The following CCNYL1 variants were observed in gnomAD, a reference collection of about 807,000 sequenced individuals.
CCNYL1 encodes cyclin-Y-like protein 1.
In CCNYL1, 16 loss-of-function variants were observed where a neutral mutation model predicts 44.2. The observed-to-expected ratio is 0.36, with a 90% CI of 0.25 to 0.55. CCNYL1 has a LOEUF of 0.55. Among genes scored for constraint, CCNYL1 ranks in the 20% least tolerant of loss-of-function variants. CCNYL1 has a pLI of 0.85. For synonymous variants in CCNYL1, 159 were observed against 163.2 expected (o/e 0.97, Z 0.20); for missense variants, 348 against 451.8 (o/e 0.77, Z 2.08).
chr2:207,739,373 C>T (rs532901854), intron 5 of CCNYL1, among the ~76,000 whole-genome samples: 5 of 152,132 alleles, frequency 3.3e-5, no homozygotes, highest in African/African-American at 4.8e-5. Flanking sequence ...GCCGGGACTG[C>T]GGGCGCCTGT....
chr2:207,737,007 C>T (rs1019954978), intron 4 of CCNYL1, among the ~76,000 whole-genome samples: 2 of 151,956 alleles, frequency 1.3e-5, no homozygotes, highest in African/African-American at 4.8e-5. Context: ...GCTCTGCCTC[C>T]CGGGTTCACG....
chr2:207,755,262 C>T lies in CCNYL1; in HGVS notation c.*1564C>T, dbSNP rs1313872955. 1.3e-5 allele frequency: 2 copies of T among 152,084 alleles called. No individual in the cohort carries two copies. The highest frequency in any genetic ancestry group is 2.9e-5 in the Non-Finnish European group (2 of 68,068). The allele number at this position is 152,084 out of a possible 1,614,324, so 9.4% of individuals were successfully genotyped here. The stretch of plus-strand genomic sequence containing the variant: ...GGATATGGTGGCATGTGTCTGTAGT[C>T]CCAGCCACTCTGGAGGCTAAGGTGG... On this transcript the variant is annotated 3_prime_UTR_variant, in exon 10 of 10. Transcript: ENST00000295414.
intron 4 of CCNYL1, among the ~76,000 whole-genome samples, chr2:207,735,822 C>T (rs187689738): frequency 2.0e-3 from 310 of 152,124 alleles, no homozygotes; most frequent in African/African-American, 6.5e-3. Flanking sequence ...CGAGATTGTG[C>T]CATTTTACTC....
chr2:207,726,443 T>C (rs2091680512), intron 2 of CCNYL1, among the ~76,000 whole-genome samples: 1 of 152,216 alleles, frequency 6.6e-6, no homozygotes, highest in South Asian at 2.1e-4. Context: ...AACTGGTTCT[T>C]AGAGCTGTCA....
chr2:207,732,665 T>C (rs2091737133), intron 3 of CCNYL1, among the ~76,000 whole-genome samples: 2 of 152,158 alleles, frequency 1.3e-5, no homozygotes, highest in African/African-American at 4.8e-5. Flanking sequence ...TACTTTCAGC[T>C]ATTCAATGAC....
rs193284768 is a variant in CCNYL1, at chr2:207,715,617, C to T, written c.220+3501C>T. Among the ~76,000 whole-genome samples the T allele has an allele frequency of 1.9e-3, 284 of 149,484 alleles. 1 individual carries two copies. The highest frequency in any genetic ancestry group is 1.5e-3 in the Non-Finnish European group (104 of 67,446). On this transcript the variant is annotated intron_variant, in intron 1 of 9. Transcript: ENST00000295414. Reference sequence around the variant, plus strand: ...CTGGTCTCGAACTCCTGACCTCAAGCGATCCAGCTGCCTTGGCCTCCCAAA... The same window carrying T: ...CTGGTCTCGAACTCCTGACCTCAAGTGATCCAGCTGCCTTGGCCTCCCAAA...
In CCNYL1 at chr2:207,711,819, T is replaced by G; in HGVS notation, c.-78T>G. 10 of 993,102 alleles carry G rather than the reference T, an allele frequency of 1.0e-5. No individual in the cohort carries two copies. The highest frequency in any genetic ancestry group is 1.4e-5 in the Non-Finnish European group (10 of 740,376). 61.5% of individuals were successfully genotyped at this position (993,102 alleles called of 1,614,324 possible). On this transcript the variant is annotated 5_prime_UTR_variant, in exon 1 of 10. Coordinates refer to ENST00000295414, the MANE Select transcript of CCNYL1 (RefSeq NM_001330218.2). ...CTGCCGGTGCCGGCCGCGCCATTGT[T>G]GGGGGAGGGGGCGGCTGTTGAGGGC...
intron 8 of CCNYL1, among the ~76,000 whole-genome samples, chr2:207,748,030 C>T (rs2091866245): frequency 6.6e-6 from 1 of 152,084 alleles, no homozygotes; most frequent in Non-Finnish European, 1.5e-5. Context: ...GGTCTTAGGG[C>T]CTCTGGACTA....
At chr2:207,736,277 A>G (rs2091763991) in intron 4 of CCNYL1, among the ~76,000 whole-genome samples, 1 of 152,244 alleles carries the variant, frequency 6.6e-6, no homozygotes, top group Admixed American at 6.5e-5. Flanking sequence ...AAGTGCTAAC[A>G]TTGTATGGAC....
chr2:207,712,360 G>C (rs1025410193), intron 1 of CCNYL1, among the ~76,000 whole-genome samples: 3 of 152,218 alleles, frequency 2.0e-5, no homozygotes, highest in Non-Finnish European at 4.4e-5. Flanking sequence ...TCCCAAGCCG[G>C]CGTGGGACCC....
chr2:207,736,134 C>G (rs758848400), intron 4 of CCNYL1, among the ~76,000 whole-genome samples: 1 of 152,202 alleles, frequency 6.6e-6, no homozygotes, highest in Non-Finnish European at 1.5e-5. Flanking sequence ...GATTAAATGT[C>G]ATGTAAGGTT....
chr2:207,742,443 A>G, intron 7 of CCNYL1, 101 bp downstream of exon 7: 1 of 1,068,056 alleles, frequency 9.4e-7, no homozygotes, highest in Non-Finnish European at 1.3e-6. Context: ...AATTATCATC[A>G]GAACTTTAAG....
At chr2:207,724,607 C>G (rs940418168) in intron 1 of CCNYL1, among the ~76,000 whole-genome samples, 193 bp from the exon 2 acceptor site, 8 of 152,210 alleles carry the variant, frequency 5.3e-5, no homozygotes, top group African/African-American at 1.9e-4. Flanking sequence ...GGTTTTTGTT[C>G]CACGTGTGTG....
chr2:207,719,370 A>G (rs1470351562), intron 1 of CCNYL1, among the ~76,000 whole-genome samples: 1 of 146,152 alleles, frequency 6.8e-6, no homozygotes, highest in Non-Finnish European at 1.5e-5. Context: ...GCACGAGCTC[A>G]GCTCACTGCA....
chr2:207,741,938 G>A (rs1462170032), intron 6 of CCNYL1, among the ~76,000 whole-genome samples: 1 of 151,648 alleles, frequency 6.6e-6, no homozygotes, highest in Admixed American at 6.6e-5. Flanking sequence ...ATTGCCTGAG[G>A]TCAGGAGTTT....
rs2091917921 is a variant in CCNYL1, at chr2:207,754,631, T to C, written c.*933T>C. On this transcript the variant is annotated 3_prime_UTR_variant, in exon 10 of 10. Transcript: ENST00000295414. Reference sequence around the variant, plus strand: ...AAAGTTTTTTGTTTTGTTTTGTTTGTTTTTAAAGAGATGGGGGTCTTACTG... The same window carrying C: ...AAAGTTTTTTGTTTTGTTTTGTTTGCTTTTAAAGAGATGGGGGTCTTACTG... 1 of 152,500 alleles carries C rather than the reference T, an allele frequency of 6.6e-6. No individual in the cohort carries two copies. 9.4% of individuals were successfully genotyped at this position (152,500 alleles called of 1,614,324 possible). A position where few individuals can be genotyped will look rare whatever the true frequency, so the allele number is the denominator to read the frequency against.
intron 3 of CCNYL1, among the ~76,000 whole-genome samples, chr2:207,731,955 GC>G (rs897971974): frequency 6.6e-5 from 10 of 152,074 alleles, no homozygotes; most frequent in Admixed American, 2.0e-4. Context: ...GATTATGGGA[GC>G]CCACCACCAC....
rs746149428 is a variant in CCNYL1 at position 207,753,689 on chromosome 2, C to A, written c.1071C>A (p.Ile357=). Residue 357 remains isoleucine, a synonymous_variant, in exon 10 of 10, where the codon ATC becomes ATA. Coordinates refer to ENST00000295414, the MANE Select transcript of CCNYL1 (RefSeq NM_001330218.2). Reference sequence around the variant, plus strand: ...TTGGTATTCAGCGCTCTAAAGCCATCCTCTCTTAAAAGGAGAAATGAGGGG... The same window carrying A: ...TTGGTATTCAGCGCTCTAAAGCCATACTCTCTTAAAAGGAGAAATGAGGGG... The part of the protein sequence containing the change: ...NFIGIQRSKA[I]LS 6.2e-7 allele frequency: 1 copy of A among 1,605,854 alleles called. No individual in the cohort carries two copies. Among genetic ancestry groups the A allele is most frequent in the South Asian group, 1.1e-5 (1 of 90,552 alleles).
intron 6 of CCNYL1, 70 bp downstream of exon 6, chr2:207,740,776 T>C (rs2091803134): frequency 2.3e-6 from 2 of 878,908 alleles, no homozygotes; most frequent in Non-Finnish European, 1.9e-6. Context: ...CTGATATTTA[T>C]AAATAGTCCT....
Sources: allele counts gnomAD v4.1 joint callset (sites outside exome capture counted in the v4.1 genomes callset), GRCh38; gene constraint gnomAD v4.1.1; transcripts MANE v1.5; gene names NCBI Gene and HGNC (gene_info 2026-07-23, HGNC 2026-07-21).